Variants in C1orf105 observed in about 807,000 individuals in gnomAD.
The protein encoded by C1orf105 is uncharacterized protein C1orf105.
A neutral mutation model predicts 20.8 loss-of-function variants in C1orf105; 17 were observed. The observed-to-expected ratio is 0.82, with a 90% confidence interval of 0.56 to 1.23. The LOEUF (loss-of-function observed/expected upper bound fraction) is 1.23. Ranked by LOEUF, C1orf105 falls within the 50% of genes most tolerant of loss-of-function variation. The pLI, the probability that C1orf105 is intolerant of heterozygous loss-of-function variation, is 0.00. For synonymous variants in C1orf105, 72 were observed against 72.1 expected, an observed-to-expected ratio of 1.00 and a Z score of 0.01; for missense variants, 219 against 213.5, an observed-to-expected ratio of 1.03 and a Z score of -0.16.
chr1:172,439,546 A>T (rs1286308993), intron 1 of C1orf105, among the ~76,000 whole-genome samples: 1 of 152,206 alleles, frequency 6.6e-6, no homozygotes, highest in African/African-American at 2.4e-5. Context: ...GAATTTCTAC[A>T]ACCACCAAAT....
chr1:172,465,522 G>A (rs1241510354), intron 6 of C1orf105, 159 bp downstream of exon 6: 6 of 702,050 alleles, frequency 8.5e-6, no homozygotes, highest in Non-Finnish European at 1.3e-5. Flanking sequence ...TGCTGGAATT[G>A]GTTCACAGCC....
At chr1:172,455,910 GAGAA>G (rs1649182916) in intron 3 of C1orf105, among the ~76,000 whole-genome samples, 1 of 152,142 alleles carries the variant, frequency 6.6e-6, no homozygotes, top group Admixed American at 6.5e-5. Flanking sequence ...GTTAAGGCAT[GAGAA>G]AGGAAGGCGA....
intron 1 of C1orf105, chr1:172,442,559 G>A (rs1647435024): frequency 6.2e-7 from 1 of 1,614,100 alleles, no homozygotes; most frequent in East Asian, 2.2e-5. Context: ...GGAAAGGGCT[G>A]TCGCTCATAC....
At chr1:172,429,993 G>T (rs79043570) in intron 1 of C1orf105, among the ~76,000 whole-genome samples, 1 of 152,150 alleles carries the variant, frequency 6.6e-6, no homozygotes, top group African/African-American at 2.4e-5. Flanking sequence ...GTAACTTAGA[G>T]TGATAAGAAG....
At chr1:172,421,228 G>A (rs1329672124) in intron 1 of C1orf105, among the ~76,000 whole-genome samples, 1 of 152,032 alleles carries the variant, frequency 6.6e-6, no homozygotes, top group African/African-American at 2.4e-5. Context: ...AGATTCTTTA[G>A]TGCAGTTCCC....
intron 1 of C1orf105, among the ~76,000 whole-genome samples, chr1:172,433,669 T>C (rs1273659486): frequency 7.9e-5 from 12 of 152,192 alleles, no homozygotes; most frequent in Non-Finnish European, 1.6e-4. Flanking sequence ...GTAAAGACTA[T>C]CGATGCTAGG....
chr1:172,454,449 G>T (rs2285174), intron 3 of C1orf105, among the ~76,000 whole-genome samples: 1 of 151,646 alleles, frequency 6.6e-6, no homozygotes, highest in African/African-American at 2.4e-5. Context: ...ATCACCCCCA[G>T]GGGTATCAGG....
chr1:172,434,398 A>C (rs2071971070), intron 1 of C1orf105, among the ~76,000 whole-genome samples: 1 of 152,192 alleles, frequency 6.6e-6, no homozygotes, highest in African/African-American at 2.4e-5. Context: ...ATCACAACAA[A>C]CTGTCTCTCA....
intron 5 of C1orf105, 39 bp from the exon 6 acceptor site, chr1:172,465,260 G>C (rs1337986925): frequency 5.1e-6 from 7 of 1,373,742 alleles, no homozygotes; most frequent in Non-Finnish European, 7.2e-6. Flanking sequence ...CCAAGCCCTA[G>C]CCAATTGACT....
chr1:172,465,921 G>A (rs1483991339), intron 6 of C1orf105, among the ~76,000 whole-genome samples: 1 of 152,230 alleles, frequency 6.6e-6, no homozygotes, highest in Non-Finnish European at 1.5e-5. Context: ...CTGGGCTGGT[G>A]AAGATGGAGT....
intron 1 of C1orf105, chr1:172,441,785 G>A (rs150227829): frequency 1.0e-5 from 16 of 1,604,706 alleles, no homozygotes; most frequent in Non-Finnish European, 1.4e-5. Context: ...CAAGGCCCAT[G>A]AATGTTTTCT....
chr1:172,466,498 C>G (rs748964947), intron 6 of C1orf105, among the ~76,000 whole-genome samples: 1 of 151,918 alleles, frequency 6.6e-6, no homozygotes, highest in African/African-American at 2.4e-5. Context: ...TTATCTGTGC[C>G]AGCCACACAC....
chr1:172,451,385 T>G (rs1648617284), intron 3 of C1orf105, among the ~76,000 whole-genome samples: 1 of 152,250 alleles, frequency 6.6e-6, no homozygotes, highest in Non-Finnish European at 1.5e-5. Flanking sequence ...CTAAAAAGAC[T>G]GTGCAGTAGC....
At chr1:172,465,779 C>T in intron 6 of C1orf105, 1 of 415,012 alleles carries the variant, frequency 2.4e-6, no homozygotes, top group South Asian at 1.7e-5. Flanking sequence ...CACCAGCTCC[C>T]TAAAATACCT....
intron 6 of C1orf105, 60 bp downstream of exon 6, chr1:172,465,423 T>A (rs1649976114): frequency 8.4e-7 from 1 of 1,196,022 alleles, no homozygotes; most frequent in Non-Finnish European, 1.2e-6. Context: ...TGCCATAGAA[T>A]GACAGTCTAA....
intron 6 of C1orf105, 131 bp from the exon 7 acceptor site, chr1:172,468,318 T>A: frequency 2.9e-6 from 2 of 679,018 alleles, no homozygotes; most frequent in South Asian, 5.5e-5. Flanking sequence ...GAAAATCAAA[T>A]TATTAGGTGA....
At chr1:172,428,757 C>A in intron 1 of C1orf105, 1 of 690,772 alleles carries the variant, frequency 1.4e-6, no homozygotes, top group South Asian at 1.5e-5. Context: ...AATGTCAGCT[C>A]TACTAGGTCA....
At chr1:172,441,222 G>A (rs554828789) in intron 1 of C1orf105, among the ~76,000 whole-genome samples, 17 of 152,318 alleles carry the variant, frequency 1.1e-4, no homozygotes, top group African/African-American at 4.1e-4. Flanking sequence ...GAAACTCTGA[G>A]TCAAGGTTAA....
Position 172,467,448 on chromosome 1 carries a change from T to C in C1orf105, c.407-1001T>C, listed in dbSNP as rs80197241. ...GCAGATTCCTTCATGAATCTTTGACTTGATCCCAGAATCCCATGACACCCA... is the reference window on the plus strand; with the variant it reads ...GCAGATTCCTTCATGAATCTTTGACCTGATCCCAGAATCCCATGACACCCA... On this transcript the variant is annotated intron_variant, in intron 6 of 6. Coordinates refer to ENST00000367727, the MANE Select transcript of C1orf105 (RefSeq NM_139240.4). 5.3e-3 allele frequency among the ~76,000 whole-genome samples: 811 copies of C among 152,326 alleles called. 9 individuals carry two copies. Among genetic ancestry groups the C allele is most frequent in the African/African-American group, 0.019 (777 of 41,566 alleles).
Sources: allele counts gnomAD v4.1 joint callset (sites outside exome capture counted in the v4.1 genomes callset), GRCh38; gene constraint gnomAD v4.1.1; transcripts MANE v1.5; gene names NCBI Gene and HGNC (gene_info 2026-07-23, HGNC 2026-07-21).